The following DENND10 variants were observed in gnomAD, a reference collection of about 807,000 sequenced individuals.
DENND10 encodes the protein DENN domain-containing protein 10.
DENND10 carries 24 observed loss-of-function variants against 43.6 expected under a neutral mutation model. The observed-to-expected ratio is 0.55, with a 90% CI of 0.40 to 0.77. The LOEUF is 0.77. Among genes scored for constraint, DENND10 ranks in the 30% least tolerant of loss-of-function variants. DENND10 has a pLI of 0.00. For synonymous variants in DENND10, 125 were observed against 157.6 expected (o/e 0.79, Z 1.55); for missense variants, 303 against 429.9 (o/e 0.70, Z 2.61).
In DENND10 at chr10:119,120,387, A is replaced by C. The variant is rs1411529211; in HGVS notation, c.528A>C (p.Ala176=). 1.2e-6 allele frequency: 2 copies of C among 1,613,458 alleles called. No homozygotes were observed. Among genetic ancestry groups the C allele is most frequent in the Non-Finnish European group, 1.7e-6 (2 of 1,179,344 alleles). ...FGMETVILHT[A]LMLKKRIVVY... ...TGGAAACTGTTATCTTACACACAGC[A>C]CTGATGCTAAAGAAAAGAATTGTGG... The change falls in exon 5 of 9, where the codon GCA becomes GCC. Residue 176 remains alanine, a synonymous_variant. Transcript: ENST00000361432.
intron 4 of DENND10, among the ~76,000 whole-genome samples, chr10:119,118,356 C>T (rs1050494694): frequency 1.3e-5 from 2 of 152,130 alleles, no homozygotes; most frequent in African/African-American, 4.8e-5. Context: ...TTTCTTAGAT[C>T]TTAGCAGTTA....
chr10:119,111,146 G>T (rs1844952187), intron 2 of DENND10, among the ~76,000 whole-genome samples: 1 of 151,144 alleles, frequency 6.6e-6, no homozygotes, highest in Non-Finnish European at 1.5e-5. Flanking sequence ...TATAATCCCA[G>T]CTACTTGGGA....
At position 119,123,408 on chromosome 10, in the gene DENND10, G is replaced by A. The variant is rs559948224; in HGVS notation, c.594-61G>A. The stretch of plus-strand genomic sequence containing the variant: ...TCCTTCTCAGGAAGAGGAGAAGGGG[G>A]CAGGCTGAGTCTTTAAGGTGTGGAC... On this transcript the variant is annotated intron_variant, in intron 5 of 8. Transcript: ENST00000361432. The A allele has an allele frequency of 7.5e-6, 9 of 1,204,758 alleles. No individual in the cohort carries two copies. The African/African-American group carries it at 1.0e-4, about 14-fold the overall frequency. The allele number at this position is 1,204,758 out of a possible 1,614,324, so 74.6% of individuals were successfully genotyped here.
At chr10:119,116,092 A>T (rs926611420) in intron 3 of DENND10, among the ~76,000 whole-genome samples, 2 of 151,786 alleles carry the variant, frequency 1.3e-5, no homozygotes, top group Non-Finnish European at 2.9e-5. Context: ...AATATGTTTT[A>T]TTTTCTTCCC....
chr10:119,113,690 C>CAAAA lies in DENND10; in HGVS notation c.332+1772_332+1775dup, dbSNP rs11447508. On this transcript the variant is annotated intron_variant, in intron 3 of 8. Coordinates refer to ENST00000361432, the MANE Select transcript of DENND10 (RefSeq NM_207009.4). Reference sequence around the variant, plus strand: ...ATGTATATACACACACCAAAAGAAGCAAAAAAAAAAAAAGAGAAAAACTCT... The same window carrying CAAAA: ...ATGTATATACACACACCAAAAGAAGCAAAAAAAAAAAAAAAAAGAGAAAAACTCT... Among the ~76,000 whole-genome samples, 12 of 141,378 alleles carry CAAAA rather than the reference C, an allele frequency of 8.5e-5. No individual in the cohort carries two copies. In the East Asian group the frequency reaches 1.6e-3, roughly 19 times the overall value. 92.7% of individuals were successfully genotyped at this position (141,378 alleles called of 152,430 possible).
chr10:119,129,402 G>A (rs189813115), intron 6 of DENND10, 113 bp from the exon 7 acceptor site: 13 of 683,470 alleles, frequency 1.9e-5, no homozygotes, highest in South Asian at 6.9e-5. Flanking sequence ...TAATGTTCCC[G>A]AATGAATAAA....
At chr10:119,114,702 T>C (rs1845159814) in intron 3 of DENND10, 1 of 152,256 alleles carries the variant, frequency 6.6e-6, no homozygotes, top group African/African-American at 2.4e-5. Flanking sequence ...AGGGTTGTCA[T>C]GTAGGAAGTC....
intron 3 of DENND10, 26 bp downstream of exon 3, chr10:119,111,954 C>G: frequency 6.6e-7 from 1 of 1,511,986 alleles, no homozygotes; most frequent in Non-Finnish European, 9.2e-7. Context: ...GTATTAAATG[C>G]TAATATACAA....
chr10:119,129,545 T>C lies in DENND10; in HGVS notation c.725T>C (p.Val242Ala), dbSNP rs1482849023. ...GTCGCTGGATTTGTAGACTTGGAGGTGAGCAACAGACCAGACCTCTATGAT... is the reference window on the plus strand; with the variant it reads ...GTCGCTGGATTTGTAGACTTGGAGGCGAGCAACAGACCAGACCTCTATGAT... ...GYVAGFVDLEVSNRPDLYDVF... is the reference protein window; with the variant it reads ...GYVAGFVDLEASNRPDLYDVF... Residue 242 changes from valine to alanine, a missense_variant, in exon 7 of 9, where the codon GTG becomes GCG. Physicochemically the swap from Val to Ala is moderately conservative, Grantham distance 64 (BLOSUM62 0). Transcript: ENST00000361432. 6 of 1,613,646 alleles carry C rather than the reference T, an allele frequency of 3.7e-6. No homozygotes were observed. Among genetic ancestry groups the C allele is most frequent in the Non-Finnish European group, 5.1e-6 (6 of 1,179,662 alleles).
chr10:119,127,136 C>A (rs1178568560), intron 6 of DENND10, among the ~76,000 whole-genome samples: 2 of 151,104 alleles, frequency 1.3e-5, no homozygotes. Flanking sequence ...AACTCTTGAG[C>A]TCAACAGTCC....
intron 6 of DENND10, among the ~76,000 whole-genome samples, chr10:119,126,065 C>A (rs989817782): frequency 6.6e-6 from 1 of 152,172 alleles, no homozygotes; most frequent in African/African-American, 2.4e-5. Flanking sequence ...ATTTGTCTTT[C>A]TGTCCGTGGC....
Position 119,137,479 on chromosome 10 carries a change from C to A in DENND10, c.*832C>A, listed in dbSNP as rs181444406. 284 of 166,904 alleles carry A rather than the reference C, an allele frequency of 1.7e-3. 2 individuals carry two copies. Among genetic ancestry groups the A allele is most frequent in the African/African-American group, 6.4e-3 (266 of 41,468 alleles). 10.3% of individuals were successfully genotyped at this position (166,904 alleles called of 1,614,324 possible). On this transcript the variant is annotated 3_prime_UTR_variant, in exon 9 of 9. Transcript: ENST00000361432. ...ATATGAGATTAACTTCCTACAGGGGCCAAAACCAGAGAAAGGCTTCCAGCA... is the reference window on the plus strand; with the variant it reads ...ATATGAGATTAACTTCCTACAGGGGACAAAACCAGAGAAAGGCTTCCAGCA...
Position 119,105,015 on chromosome 10 carries a change from T to C in DENND10, c.55+818T>C, listed in dbSNP as rs1844620645. On this transcript the variant is annotated intron_variant, in intron 1 of 8. Transcript: ENST00000361432. ...TGTGTGGTGGAATCTCGGTTAGCTC[T>C]GAGGAATGTAATTATCTTCCATAAT... 3 of 152,238 alleles carry C rather than the reference T, an allele frequency of 2.0e-5. 1 individual carries two copies. Among genetic ancestry groups the C allele is most frequent in the South Asian group, 4.1e-4 (2 of 4,846 alleles). 9.4% of individuals were successfully genotyped at this position (152,238 alleles called of 1,614,324 possible). A position where few individuals can be genotyped will look rare whatever the true frequency, so the allele number is the denominator to read the frequency against.
At chr10:119,126,958 G>A (rs1589740852) in intron 6 of DENND10, among the ~76,000 whole-genome samples, 1 of 150,682 alleles carries the variant, frequency 6.6e-6, no homozygotes. Flanking sequence ...GAGTGCAGTG[G>A]CTCAGTCTCG....
At chr10:119,117,983 CAAA>C (rs1367652436) in intron 4 of DENND10, among the ~76,000 whole-genome samples, 2 of 151,028 alleles carry the variant, frequency 1.3e-5, no homozygotes, top group African/African-American at 2.4e-5. Context: ...AAACAAAAAA[CAAA>C]AAAAAGAAGG....
chr10:119,107,261 G>C (rs1343410161), intron 1 of DENND10, among the ~76,000 whole-genome samples: 1 of 149,358 alleles, frequency 6.7e-6, no homozygotes, highest in African/African-American at 2.5e-5. Context: ...GATAGCACCA[G>C]TACACTCTAG....
chr10:119,107,297 C>CA lies in DENND10; in HGVS notation c.56-657dup, dbSNP rs78265277. On this transcript the variant is annotated intron_variant, in intron 1 of 8. Transcript: ENST00000361432. ...CCTGGGTGACGGTGAGACTCCGCCT[C>CA]AAAAAAAAAAAAAAGAATTATTCCA... Among the ~76,000 whole-genome samples the CA allele has an allele frequency of 2.6e-3, 347 of 130,962 alleles. 2 individuals are homozygous for CA. The highest frequency in any genetic ancestry group is 7.4e-3 in the African/African-American group (242 of 32,810). 85.9% of individuals were successfully genotyped at this position (130,962 alleles called of 152,430 possible).
rs1158508914 is a variant in DENND10, at chr10:119,112,142, C to A, written c.332+214C>A. Among the ~76,000 whole-genome samples, 33 of 152,090 alleles carry A rather than the reference C, an allele frequency of 2.2e-4. 1 individual carries two copies. Among genetic ancestry groups the A allele is most frequent in the Non-Finnish European group, 4.4e-5 (3 of 68,020 alleles). ...AAATGATCTAGGGGAAGAGAAGGAGCAGTTTTATAGCTATTGTAGCTCCTG... is the reference window on the plus strand; with the variant it reads ...AAATGATCTAGGGGAAGAGAAGGAGAAGTTTTATAGCTATTGTAGCTCCTG... On this transcript the variant is annotated intron_variant, in intron 3 of 8. Coordinates refer to ENST00000361432, the MANE Select transcript of DENND10 (RefSeq NM_207009.4).
At chr10:119,108,936 C>T (rs550176096) in intron 2 of DENND10, among the ~76,000 whole-genome samples, 8 of 56,500 alleles carry the variant, frequency 1.4e-4, no homozygotes, top group African/African-American at 3.3e-4. Flanking sequence ...AAAGGCAGGC[C>T]GAGCGTGTTG....
Sources: gnomAD v4.1 joint callset for allele counts (sites outside exome capture counted in the v4.1 genomes callset) on GRCh38, gnomAD v4.1.1 for gene constraint, MANE v1.5 for transcripts, NCBI Gene and HGNC (gene_info 2026-07-23, HGNC 2026-07-21) for gene names.